Variants in CTNNA3 observed in about 807,000 individuals in gnomAD.
The protein encoded by CTNNA3 is catenin alpha-3.
CTNNA3 carries 76 observed loss-of-function variants against 95.7 expected under a neutral mutation model. The ratio of observed to expected loss-of-function variants is 0.79; its 90% CI spans 0.66 to 0.96. The LOEUF (loss-of-function observed/expected upper bound fraction) is 0.96, where lower values mean the gene tolerates loss of function less well. Ranked by LOEUF, CTNNA3 falls within the 40% of genes least tolerant of loss-of-function variation. The pLI, the probability that CTNNA3 is intolerant of heterozygous loss-of-function variation, is 0.00. For missense variants in CTNNA3, 1,191 were observed against 1,089.8 expected (o/e 1.09, Z -1.31); for synonymous variants, 431 against 374.4 (o/e 1.15, Z -1.74).
At chr10:66,121,643 A>C (rs72795307) in intron 13 of CTNNA3, among the ~76,000 whole-genome samples, 3 of 152,118 alleles carry the variant, frequency 2.0e-5, no homozygotes, top group Non-Finnish European at 4.4e-5. Context: ...TGAGGTGAAG[A>C]GTTCAAGAGC....
chr10:66,139,767 C>A (rs2133874242), intron 13 of CTNNA3, among the ~76,000 whole-genome samples: 1 of 152,256 alleles, frequency 6.6e-6, no homozygotes, highest in Admixed American at 6.5e-5. Flanking sequence ...GGGCGGGAAT[C>A]AGGCAGACAG....
chr10:67,090,462 C>T (rs566549015), intron 7 of CTNNA3, among the ~76,000 whole-genome samples: 1 of 152,150 alleles, frequency 6.6e-6, no homozygotes, highest in East Asian at 1.9e-4. Flanking sequence ...TTGTGTTCAC[C>T]TCTCTAGGTT....
chr10:66,941,336 T>C (rs1847983169), intron 7 of CTNNA3, among the ~76,000 whole-genome samples: 2 of 152,270 alleles, frequency 1.3e-5, no homozygotes, highest in Middle Eastern at 3.4e-3. Context: ...ATTTCTCGAG[T>C]GCATTTTAAA....
chr10:67,710,809 A>G (rs1038596524), intron 1 of CTNNA3, among the ~76,000 whole-genome samples: 8 of 152,316 alleles, frequency 5.3e-5, no homozygotes, highest in African/African-American at 1.9e-4. Flanking sequence ...TAGAATAGTG[A>G]CCTGGAGAAC....
rs539879362 is a variant in CTNNA3, at chr10:67,504,073, T to C, written c.579+17769A>G. Reference sequence around the variant, plus strand: ...TTGGGAGGCTGAGGCAGGAGAATGGTGTGAACCCAGAAGGTGGAGCTTGCA... The same window carrying C: ...TTGGGAGGCTGAGGCAGGAGAATGGCGTGAACCCAGAAGGTGGAGCTTGCA... On this transcript the variant is annotated intron_variant, in intron 5 of 17. Coordinates refer to ENST00000433211, the MANE Select transcript of CTNNA3 (RefSeq NM_013266.4). Among the ~76,000 whole-genome samples the C allele has an allele frequency of 7.1e-4, 103 of 145,294 alleles. 1 individual carries two copies. The East Asian group carries it at 0.016, about 23-fold the overall frequency.
chr10:67,327,669 A>G (rs1841597951), intron 5 of CTNNA3, among the ~76,000 whole-genome samples: 1 of 152,166 alleles, frequency 6.6e-6, no homozygotes, highest in Non-Finnish European at 1.5e-5. Flanking sequence ...GGTGTCAGCC[A>G]AAGTGTTTCA....
chr10:67,262,795 A>G (rs996448981), intron 5 of CTNNA3, among the ~76,000 whole-genome samples: 1 of 152,208 alleles, frequency 6.6e-6, no homozygotes, highest in Non-Finnish European at 1.5e-5. Context: ...CACAAAAGCA[A>G]AGAAATAATG....
intron 17 of CTNNA3, among the ~76,000 whole-genome samples, chr10:65,959,702 A>C (rs1440483139): frequency 6.6e-6 from 1 of 152,022 alleles, no homozygotes; most frequent in African/African-American, 2.4e-5. Flanking sequence ...TATTTGTAGA[A>C]ATGGGATTTG....
intron 15 of CTNNA3, among the ~76,000 whole-genome samples, chr10:65,991,031 T>C (rs2078534800): frequency 6.6e-6 from 1 of 152,148 alleles, no homozygotes; most frequent in Non-Finnish European, 1.5e-5. Flanking sequence ...CTTTCCCCAG[T>C]GCCTGTTCTT....
At chr10:66,872,802 G>A (rs886750072) in intron 7 of CTNNA3, among the ~76,000 whole-genome samples, 1 of 152,080 alleles carries the variant, frequency 6.6e-6, no homozygotes, top group African/African-American at 2.4e-5. Flanking sequence ...CTGAGGCAGT[G>A]AGCATAGTCC....
At chr10:67,498,059 T>C (rs1589360452) in intron 5 of CTNNA3, among the ~76,000 whole-genome samples, 1 of 152,228 alleles carries the variant, frequency 6.6e-6, no homozygotes, top group Admixed American at 6.5e-5. Flanking sequence ...AGGGTTTCTA[T>C]GGTTTTAGGT....
At chr10:67,465,762 G>C (rs1401508299) in intron 5 of CTNNA3, among the ~76,000 whole-genome samples, 1 of 152,034 alleles carries the variant, frequency 6.6e-6, no homozygotes, top group Non-Finnish European at 1.5e-5. Context: ...CTTTTATTTG[G>C]AGAAGGTGAA....
At chr10:67,145,266 G>T (rs934953419) in intron 7 of CTNNA3, among the ~76,000 whole-genome samples, 4 of 152,126 alleles carry the variant, frequency 2.6e-5, no homozygotes, top group African/African-American at 7.2e-5. Context: ...TTGCCAAAGC[G>T]TAACACAGAA....
intron 7 of CTNNA3, among the ~76,000 whole-genome samples, chr10:67,065,688 G>A (rs1856031660): frequency 6.6e-6 from 1 of 151,976 alleles, no homozygotes; most frequent in Admixed American, 6.6e-5. Flanking sequence ...ATGAGCCACG[G>A]GAAGAGAACT....
rs369376715 is a variant in CTNNA3 at position 66,875,867 on chromosome 10, C to A, written c.1048-100343G>T. Among the ~76,000 whole-genome samples, 31 of 152,200 alleles carry A rather than the reference C, an allele frequency of 2.0e-4. No homozygotes were observed. In the East Asian group the frequency reaches 2.7e-3, roughly 13 times the overall value. On this transcript the variant is annotated intron_variant, in intron 7 of 17. Transcript: ENST00000433211. ...CTATGGATTAAAAGAGTCCTTAAAG[C>A]ATAAGAGCACATTCAGAGTTTTATG...
At chr10:65,981,529 C>T (rs1458740684) in intron 16 of CTNNA3, among the ~76,000 whole-genome samples, 5 of 151,784 alleles carry the variant, frequency 3.3e-5, no homozygotes, top group African/African-American at 9.6e-5. Context: ...AAAAAGAGCC[C>T]GTATAGCCAA....
In CTNNA3 at chr10:66,642,528, G is replaced by A. The variant is rs971809535; in HGVS notation, c.1282-20744C>T. On this transcript the variant is annotated intron_variant, in intron 9 of 17. Transcript: ENST00000433211. ...GATACAATGTGTTTAACCTATCACT[G>A]TTATTCAGTGTACTATAACTGCTAT... Among the ~76,000 whole-genome samples, 24 of 152,112 alleles carry A rather than the reference G, an allele frequency of 1.6e-4. No individual in the cohort carries two copies. The East Asian group carries it at 3.9e-3, about 25-fold the overall frequency.
At chr10:66,538,002 A>G (rs576198313) in intron 10 of CTNNA3, among the ~76,000 whole-genome samples, 6 of 152,116 alleles carry the variant, frequency 3.9e-5, no homozygotes, top group Admixed American at 1.3e-4. Context: ...CCATCACTAC[A>G]TGGCATAACT....
At chr10:66,150,837 A>T (rs886922823) in intron 13 of CTNNA3, among the ~76,000 whole-genome samples, 10 of 151,992 alleles carry the variant, frequency 6.6e-5, no homozygotes, top group African/African-American at 1.4e-4. Flanking sequence ...GTAAAAACTT[A>T]TCTTTTAATA....
Sources: gnomAD v4.1 joint callset for allele counts (sites outside exome capture counted in the v4.1 genomes callset) on GRCh38, gnomAD v4.1.1 for gene constraint, MANE v1.5 for transcripts, NCBI Gene and HGNC (gene_info 2026-07-23, HGNC 2026-07-21) for gene names.